The following RTN3 variants were observed in gnomAD, a reference collection of about 807,000 sequenced individuals.
RTN3 encodes reticulon 3.
In RTN3, 49 loss-of-function variants were observed where a neutral mutation model predicts 77.8. That is an observed-to-expected ratio of 0.63 (90% CI 0.50 to 0.80). The LOEUF is 0.80. Among genes scored for constraint, RTN3 ranks in the 30% least tolerant of loss-of-function variants. RTN3 has a pLI of 0.00. For missense variants in RTN3, 1,236 were observed against 1,211.9 expected, an observed-to-expected ratio of 1.02 and a Z score of -0.29; for synonymous variants, 464 against 446.9, an observed-to-expected ratio of 1.04 and a Z score of -0.48.
chr11:63,753,028 T>C, intron 5 of RTN3, 41 bp from the exon 6 acceptor site: 1 of 1,590,108 alleles, frequency 6.3e-7, no homozygotes, highest in Middle Eastern at 1.7e-4. Flanking sequence ...GAATTTTGCC[T>C]TACGGTTATT....
intron 1 of RTN3, among the ~76,000 whole-genome samples, chr11:63,698,279 C>G (rs1942067781): frequency 6.6e-6 from 1 of 152,108 alleles, no homozygotes; most frequent in African/African-American, 2.4e-5. Context: ...AGCAAGCCAG[C>G]ATGCCTGGTT....
chr11:63,713,079 G>C (rs570418181), intron 2 of RTN3, among the ~76,000 whole-genome samples: 8 of 152,238 alleles, frequency 5.3e-5, no homozygotes, highest in Non-Finnish European at 1.0e-4. Context: ...TGGGCAAAAA[G>C]AGTGAAATTC....
intron 3 of RTN3, among the ~76,000 whole-genome samples, chr11:63,733,881 AC>A (rs771708578): frequency 1.3e-5 from 2 of 151,810 alleles, no homozygotes; most frequent in African/African-American, 2.4e-5. Context: ...ACAGAACAAG[AC>A]CTTGCCTCAA....
In RTN3 at chr11:63,719,069, G is replaced by A. The variant is rs957032955; in HGVS notation, c.567G>A (p.Gly189=). Residue 189 remains glycine, a synonymous_variant, in exon 3 of 9, where the codon GGG becomes GGA. Coordinates refer to ENST00000377819, the MANE Select transcript of RTN3 (RefSeq NM_001265589.2). ...ATAAAGAGACCAAGAACCCAAATGG[G>A]GTATCAAGTAGGGAGGCTAAAACTG... ...QIDKETKNPN[G]VSSREAKTAL... is the part of the protein sequence containing the mutation. The A allele has an allele frequency of 6.2e-7, 1 of 1,613,952 alleles. No individual in the cohort carries two copies. The highest frequency in any genetic ancestry group is 1.3e-5 in the African/African-American group (1 of 74,880).
Position 63,753,288 on chromosome 11 carries a change from T to C in RTN3, c.2947+150T>C, listed in dbSNP as rs150355866. ...AGTAGAGGCACTGGAGGAACCGGAG[T>C]TTGTGGTCACAGGTTTATGAAATGG... On this transcript the variant is annotated intron_variant, in intron 6 of 8. Coordinates refer to ENST00000377819, the MANE Select transcript of RTN3 (RefSeq NM_001265589.2). 671 of 699,162 alleles carry C rather than the reference T, an allele frequency of 9.6e-4. 3 individuals carry two copies. Among genetic ancestry groups the C allele is most frequent in the Non-Finnish European group, 3.9e-4 (162 of 414,406 alleles). 43.3% of individuals were successfully genotyped at this position (699,162 alleles called of 1,614,324 possible).
rs754795676 is a variant in RTN3 at position 63,720,103 on chromosome 11, C to T, written c.1601C>T (p.Thr534Ile). 6.2e-7 allele frequency: 1 copy of T among 1,613,088 alleles called. No individual in the cohort carries two copies. ...TCCATTCCAAGTGCTGTTGTAAAAA[C>T]AGGTGAAAGAGAAATCAAAGAGATT... The part of the protein sequence containing the change: ...PVSIPSAVVK[T>I]GEREIKEIPS... Residue 534 changes from threonine (T) to isoleucine (I), a missense_variant, in exon 3 of 9, where the codon ACA becomes ATA. This residue lies in a region of RTN3 where 1,056 missense variants were observed against 990.4 expected (regional missense o/e 1.07). Transcript: ENST00000377819.
intron 3 of RTN3, among the ~76,000 whole-genome samples, chr11:63,735,220 C>T (rs2013007959): frequency 6.6e-6 from 1 of 152,008 alleles, no homozygotes; most frequent in South Asian, 2.1e-4. Flanking sequence ...GAACTCCCAA[C>T]CTCAAGTGAT....
At chr11:63,747,027 A>G (rs938538917) in intron 3 of RTN3, 2 of 455,924 alleles carry the variant, frequency 4.4e-6, no homozygotes, top group African/African-American at 4.0e-5. Flanking sequence ...TAAAAGAAGT[A>G]AGTTCCTCAG....
At chr11:63,706,143 G>A (rs535399632) in intron 2 of RTN3, among the ~76,000 whole-genome samples, 23 of 152,106 alleles carry the variant, frequency 1.5e-4, no homozygotes, top group Non-Finnish European at 2.8e-4. Context: ...GGTTAAATCT[G>A]CTTCTTAGGA....
chr11:63,755,188 A>T (rs2014310154), intron 7 of RTN3, among the ~76,000 whole-genome samples: 1 of 152,112 alleles, frequency 6.6e-6, no homozygotes, highest in Non-Finnish European at 1.5e-5. Flanking sequence ...AATAGATTAG[A>T]CACACAGTTT....
At chr11:63,706,813 C>T (rs1268094259) in intron 2 of RTN3, among the ~76,000 whole-genome samples, 1 of 151,414 alleles carries the variant, frequency 6.6e-6, no homozygotes, top group Non-Finnish European at 1.5e-5. Context: ...ATAAATAGAA[C>T]AAATAATTAT....
chr11:63,714,942 T>G (rs2011308409), intron 2 of RTN3, among the ~76,000 whole-genome samples: 1 of 152,188 alleles, frequency 6.6e-6, no homozygotes, highest in Non-Finnish European at 1.5e-5. Flanking sequence ...TTGAAACTTT[T>G]GGAGTATTAA....
intron 5 of RTN3, 46 bp downstream of exon 5, chr11:63,752,691 G>T (rs2014170067): frequency 1.3e-6 from 2 of 1,595,786 alleles, no homozygotes; most frequent in African/African-American, 1.4e-5. Flanking sequence ...AAAAAGCAGG[G>T]ACTGGGTTAT....
chr11:63,721,065 T>A (rs1160982683), intron 3 of RTN3, 33 bp downstream of exon 3: 1 of 1,524,774 alleles, frequency 6.6e-7, no homozygotes, highest in Admixed American at 2.1e-5. Flanking sequence ...TGCATGTGGT[T>A]AATTCTGTGA....
At chr11:63,736,752 A>G (rs926911189) in intron 3 of RTN3, among the ~76,000 whole-genome samples, 16 of 152,212 alleles carry the variant, frequency 1.1e-4, no homozygotes, top group Admixed American at 1.0e-3. Flanking sequence ...ATGCTATTTT[A>G]TATAAGGGAC....
In RTN3 at chr11:63,758,203, T is replaced by A. The variant is rs772451511; in HGVS notation, c.*2T>A. 2 of 1,613,520 alleles carry A rather than the reference T, an allele frequency of 1.2e-6. No homozygotes were observed. On this transcript the variant is annotated 3_prime_UTR_variant, in exon 9 of 9. Transcript: ENST00000377819. ...ATCGCCAAAAAAAAGGCAGAATAAG[T>A]ACATGGAAACCAGAAATGCAACAGT... is the stretch of plus-strand genomic sequence containing the variant.
intron 3 of RTN3, among the ~76,000 whole-genome samples, chr11:63,746,197 C>A (rs577696400): frequency 1.3e-5 from 2 of 152,188 alleles, no homozygotes; most frequent in African/African-American, 4.8e-5. Context: ...CCTTTTCTCT[C>A]TGGGTCCTAG....
intron 3 of RTN3, among the ~76,000 whole-genome samples, chr11:63,743,327 C>T (rs934972456): frequency 1.3e-5 from 2 of 152,110 alleles, no homozygotes; most frequent in African/African-American, 2.4e-5. Flanking sequence ...GGTAGATTAC[C>T]TTTATCAAGT....
In RTN3 at chr11:63,699,025, C is replaced by T. The variant is rs146289143; in HGVS notation, c.143-5826C>T. ...ATTCCTGGCCGGGCACAGTGGCTCA[C>T]GCCTGTAATCCGAACACTTTGGGAG... is the stretch of plus-strand genomic sequence containing the variant. On this transcript the variant is annotated intron_variant, in intron 1 of 8. Coordinates refer to ENST00000377819, the MANE Select transcript of RTN3 (RefSeq NM_001265589.2). Among the ~76,000 whole-genome samples the T allele has an allele frequency of 9.1e-3, 1,385 of 152,240 alleles. 11 individuals are homozygous for T. The highest frequency in any genetic ancestry group is 0.014 in the Non-Finnish European group (943 of 68,006).
Sources: gnomAD v4.1 joint callset for allele counts (sites outside exome capture counted in the v4.1 genomes callset) on GRCh38, gnomAD v4.1.1 for gene constraint, gnomAD v4.1.1 regional missense constraint, MANE v1.5 for transcripts, NCBI Gene and HGNC (gene_info 2026-07-23, HGNC 2026-07-21) for gene names.